Variants in UNC13A observed in about 807,000 individuals in gnomAD.
UNC13A encodes the protein unc-13 homolog A.
In UNC13A, 61 loss-of-function variants were observed where a neutral mutation model predicts 219.7. The observed-to-expected ratio is 0.28, with a 90% CI of 0.23 to 0.34. The LOEUF is 0.34. Ranked by LOEUF, UNC13A falls within the 10% of genes least tolerant of loss-of-function variation. The pLI, the probability that UNC13A is intolerant of heterozygous loss-of-function variation, is 1.00. For missense variants in UNC13A, 1,476 were observed against 2,270.3 expected (o/e 0.65, Z 7.11); for synonymous variants, 920 against 884.6 (o/e 1.04, Z -0.71).
intron 43 of UNC13A, among the ~76,000 whole-genome samples, chr19:17,608,612 G>A (rs915592480): frequency 1.3e-5 from 2 of 149,924 alleles, no homozygotes; most frequent in Non-Finnish European, 3.0e-5. Context: ...CTGCCTCCCG[G>A]GTTCACGCCA....
chr19:17,621,727 CG>C, intron 37 of UNC13A, 104 bp downstream of exon 37: 1 of 1,216,600 alleles, frequency 8.2e-7, no homozygotes, highest in Non-Finnish European at 1.2e-6. Context: ...CTCCTACCCA[CG>C]ACCCCCAGCT....
intron 42 of UNC13A, among the ~76,000 whole-genome samples, chr19:17,610,517 T>C (rs116169842): frequency 0.014 from 2,081 of 152,162 alleles, 46 homozygotes; most frequent in African/African-American, 0.047. Flanking sequence ...CCAAAAACCC[T>C]GTCTGAAATA....
chr19:17,629,471 T>C, intron 30 of UNC13A, 148 bp from the exon 31 acceptor site: 1 of 630,804 alleles, frequency 1.6e-6, no homozygotes, highest in South Asian at 2.1e-5. Context: ...AATTCTCCAC[T>C]CAAGATGACC....
chr19:17,614,634 C>T (rs554853638), intron 41 of UNC13A, among the ~76,000 whole-genome samples: 15 of 151,972 alleles, frequency 9.9e-5, no homozygotes, highest in Non-Finnish European at 2.1e-4. Context: ...GTCAGTCAAA[C>T]GCTGATTGGG....
intron 36 of UNC13A, 173 bp downstream of exon 36, chr19:17,623,369 G>A (rs923805587): frequency 2.1e-6 from 1 of 478,680 alleles, no homozygotes; most frequent in Non-Finnish European, 3.7e-6. Flanking sequence ...TCCCAGCCCC[G>A]CCCCCTCCCC....
Position 17,618,381 on chromosome 19 carries a change from A to G in UNC13A, c.4410+40T>C, listed in dbSNP as rs1160687709. Reference sequence around the variant, plus strand: ...CATGACCACAGCAGCCACACCCTCTACATCCCCCACCTGGGATGGGGAGGG... The same window carrying G: ...CATGACCACAGCAGCCACACCCTCTGCATCCCCCACCTGGGATGGGGAGGG... On this transcript the variant is annotated intron_variant, in intron 40 of 43. Coordinates refer to ENST00000519716, the MANE Select transcript of UNC13A (RefSeq NM_001080421.3). 3.2e-6 allele frequency: 5 copies of G among 1,546,088 alleles called. No homozygotes were observed. The South Asian group carries it at 4.7e-5, about 15-fold the overall frequency.
chr19:17,674,730 T>C lies in UNC13A; in HGVS notation c.79A>G (p.Lys27Glu), dbSNP rs746448573. The change falls in exon 3 of 44, where the codon AAA (lysine) becomes GAA (glutamate). Residue 27 changes from lysine (K) to glutamate (E), a missense_variant. Lys to Glu is a moderately conservative substitution (Grantham distance 56). This residue lies in a region of UNC13A where 203 missense variants were observed against 301.6 expected (regional missense o/e 0.67). Coordinates refer to ENST00000519716, the MANE Select transcript of UNC13A (RefSeq NM_001080421.3). This position sits in a 1 kb window ranked among gnomAD's most constrained non-coding sequence, Gnocchi z 5.0. ...QEKFNTYVTL[K>E]VQNVKSTTIA... is the part of the protein sequence containing the mutation. The stretch of plus-strand genomic sequence containing the variant: ...GTCGTGCTCTTGACATTCTGCACTT[T>C]CAGGGTCACGTACGTGTTGAATTTC... 6.2e-7 allele frequency: 1 copy of C among 1,613,932 alleles called. No individual in the cohort carries two copies. The highest frequency in any genetic ancestry group is 8.5e-7 in the Non-Finnish European group (1 of 1,179,858).
intron 28 of UNC13A, among the ~76,000 whole-genome samples, chr19:17,630,954 C>T (rs2076836863): frequency 1.3e-5 from 2 of 152,064 alleles, no homozygotes; most frequent in Admixed American, 1.3e-4. Flanking sequence ...TTGAGTGGCC[C>T]CTTTTACAAC....
intron 41 of UNC13A, among the ~76,000 whole-genome samples, chr19:17,617,322 C>T (rs1294300192): frequency 6.6e-6 from 1 of 152,094 alleles, no homozygotes; most frequent in Admixed American, 6.5e-5. Flanking sequence ...ATTCATTGGC[C>T]CTGGGACACC....
chr19:17,647,458 C>T lies in UNC13A; in HGVS notation c.1851G>A (p.Glu617=), dbSNP rs747717334. ...AAEKSSKHGA[E]DRTQNIIMVL... ...CCATGATGATGTTCTGTGTCCGGTCCTCCGCCCCGTGCTTGGAGCTCTTCT... is the reference window on the plus strand; with the variant it reads ...CCATGATGATGTTCTGTGTCCGGTCTTCCGCCCCGTGCTTGGAGCTCTTCT... Residue 617 remains glutamate (E), a synonymous_variant, in exon 17 of 44, where the codon GAG becomes GAA. Transcript: ENST00000519716. The T allele has an allele frequency of 6.2e-7, 1 of 1,613,430 alleles. No individual in the cohort carries two copies. The highest frequency in any genetic ancestry group is 2.2e-5 in the East Asian group (1 of 44,878).
chr19:17,650,963 A>T (rs1233896373), intron 12 of UNC13A, among the ~76,000 whole-genome samples: 4 of 128,970 alleles, frequency 3.1e-5, no homozygotes, highest in Middle Eastern at 9.9e-3. Flanking sequence ...TTTGAGATGG[A>T]GTCTCGCTCT....
At chr19:17,639,385 G>T (rs189333016) in intron 24 of UNC13A, 51 bp downstream of exon 24, 2 of 1,585,704 alleles carry the variant, frequency 1.3e-6, no homozygotes, top group Admixed American at 3.6e-5. Context: ...GGGAGCTGGG[G>T]ATCCTAGAGA....
In UNC13A at chr19:17,646,113, TG is replaced by T; in HGVS notation, c.2045-3del. The T allele has an allele frequency of 6.2e-7, 1 of 1,613,600 alleles. No homozygotes were observed. Among genetic ancestry groups the T allele is most frequent in the Non-Finnish European group, 8.5e-7 (1 of 1,179,900 alleles). On this transcript the variant is annotated splice_region_variant and splice_polypyrimidine_tract_variant and intron_variant, in intron 17 of 43. Transcript: ENST00000519716. Reference sequence around the variant, plus strand: ...CCTGCAAGCCCTGGGCGCAGACCACTGGAAGACACAGAGGGCATACACAGGT... The same window carrying T: ...CCTGCAAGCCCTGGGCGCAGACCACTGAAGACACAGAGGGCATACACAGGT...
intron 30 of UNC13A, among the ~76,000 whole-genome samples, chr19:17,629,879 T>C (rs2076823085): frequency 6.7e-6 from 1 of 148,834 alleles, no homozygotes; most frequent in South Asian, 2.1e-4. Context: ...ACACCTCAAC[T>C]CCAACCCCAA....
intron 17 of UNC13A, among the ~76,000 whole-genome samples, 183 bp from the exon 18 acceptor site, chr19:17,646,294 T>TG (rs2077025905): frequency 6.6e-6 from 1 of 151,912 alleles, no homozygotes; most frequent in Non-Finnish European, 1.5e-5. Flanking sequence ...TTTGTTTGTT[T>TG]TTGAGACAGA....
At position 17,602,338 on chromosome 19, in the gene UNC13A, G is replaced by C. The variant is rs188172335; in HGVS notation, c.*3716C>G. On this transcript the variant is annotated 3_prime_UTR_variant, in exon 44 of 44. Coordinates refer to ENST00000519716, the MANE Select transcript of UNC13A (RefSeq NM_001080421.3). ...ATCTCTGTCTCTCTCCGTCCTCATC[G>C]GGGCGTGATCTCACCCTCTGTCTCT... 1 of 152,262 alleles carries C rather than the reference G, an allele frequency of 6.6e-6. No homozygotes were observed. Among genetic ancestry groups the C allele is most frequent in the East Asian group, 1.9e-4 (1 of 5,164 alleles). The allele number at this position is 152,262 out of a possible 1,614,324, so 9.4% of individuals were successfully genotyped here.
chr19:17,686,920 C>G (rs1046752825), intron 1 of UNC13A, among the ~76,000 whole-genome samples: 1 of 152,088 alleles, frequency 6.6e-6, no homozygotes, highest in Admixed American at 6.5e-5. Context: ...CGCACGCTTC[C>G]TGTCGCCCGA....
chr19:17,678,719 C>A (rs972782062), intron 1 of UNC13A, among the ~76,000 whole-genome samples: 2 of 151,970 alleles, frequency 1.3e-5, no homozygotes, highest in South Asian at 4.1e-4. Flanking sequence ...TTGGGCCTGG[C>A]TCCTGGAGGA....
chr19:17,609,843 C>G (rs1599823577), intron 43 of UNC13A, 97 bp downstream of exon 43: 10 of 1,553,298 alleles, frequency 6.4e-6, no homozygotes, highest in Non-Finnish European at 8.8e-6. Flanking sequence ...ATTCCCGGGC[C>G]CAGATTCCAG....
Sources: gnomAD v4.1 joint callset for allele counts (sites outside exome capture counted in the v4.1 genomes callset) on GRCh38, gnomAD v4.1.1 for gene constraint, gnomAD v4.1.1 regional missense constraint, Gnocchi (gnomAD v3.1) non-coding constraint, MANE v1.5 for transcripts, NCBI Gene and HGNC (gene_info 2026-07-23, HGNC 2026-07-21) for gene names.